Variants in SNTG1 observed in about 807,000 individuals in gnomAD.
The protein encoded by SNTG1 is gamma-1-syntrophin.
A neutral mutation model predicts 74.7 loss-of-function variants in SNTG1; 39 were observed. The ratio of observed to expected loss-of-function variants is 0.52; its 90% confidence interval spans 0.40 to 0.68. The LOEUF (loss-of-function observed/expected upper bound fraction) is 0.68, where lower values mean the gene tolerates loss of function less well. SNTG1 is among the 30% of genes least tolerant of loss of function. The pLI is 0.00. For synonymous variants in SNTG1, 254 were observed against 217.1 expected (o/e 1.17, Z -1.49); for missense variants, 685 against 609.5 (o/e 1.12, Z -1.30).
At chr8:50,239,236 A>G (rs1251975492) in intron 2 of SNTG1, among the ~76,000 whole-genome samples, 1 of 152,190 alleles carries the variant, frequency 6.6e-6, no homozygotes, top group Non-Finnish European at 1.5e-5. Context: ...CAGGGAATCA[A>G]CCTAGATGCC....
In SNTG1 at chr8:50,441,953, G is replaced by T. The variant is rs146354434; in HGVS notation, c.219+3354G>T. On this transcript the variant is annotated intron_variant, in intron 5 of 18. Coordinates refer to ENST00000642720, the MANE Select transcript of SNTG1 (RefSeq NM_018967.5). ...CCATTAAAAGGTAAAGACCAAAATTGCCTGTTTCTCCATGTTAATTCTAAA... is the reference window on the plus strand; with the variant it reads ...CCATTAAAAGGTAAAGACCAAAATTTCCTGTTTCTCCATGTTAATTCTAAA... 3.5e-3 allele frequency among the ~76,000 whole-genome samples: 528 copies of T among 152,206 alleles called. 3 individuals carry two copies. Among genetic ancestry groups the T allele is most frequent in the African/African-American group, 0.012 (508 of 41,526 alleles).
chr8:50,023,948 T>C (rs1048446340), intron 1 of SNTG1, among the ~76,000 whole-genome samples: 1 of 152,112 alleles, frequency 6.6e-6, no homozygotes, highest in African/African-American at 2.4e-5. Context: ...CTCATAACCA[T>C]GGGATTTCAG....
intron 1 of SNTG1, among the ~76,000 whole-genome samples, chr8:50,030,734 T>G (rs1380631091): frequency 6.6e-6 from 1 of 152,036 alleles, no homozygotes; most frequent in Non-Finnish European, 1.5e-5. Flanking sequence ...CACCACAAAA[T>G]CCTGATTAGT....
chr8:50,266,712 T>C (rs1036441606), intron 2 of SNTG1, among the ~76,000 whole-genome samples: 16 of 39,978 alleles, frequency 4.0e-4, no homozygotes, highest in South Asian at 1.8e-3. Context: ...ATGATACAAA[T>C]GTTAATAAGA....
intron 12 of SNTG1, among the ~76,000 whole-genome samples, chr8:50,572,258 T>TTATTTATATA (rs1554577782): frequency 5.4e-5 from 5 of 93,120 alleles, no homozygotes; most frequent in African/African-American, 2.4e-4. Context: ...ATCACCTATT[T>TTATTTATATA]TATATATATA....
intron 11 of SNTG1, among the ~76,000 whole-genome samples, chr8:50,548,770 G>T (rs2094405774): frequency 6.6e-6 from 1 of 152,102 alleles, no homozygotes; most frequent in Non-Finnish European, 1.5e-5. Flanking sequence ...AAATCTCATG[G>T]AATAGATGGC....
intron 1 of SNTG1, among the ~76,000 whole-genome samples, chr8:50,043,356 G>C (rs11987017): frequency 5.3e-5 from 8 of 152,072 alleles, no homozygotes; most frequent in Non-Finnish European, 1.2e-4. Flanking sequence ...AATTAAATTA[G>C]GATTTTTTGA....
intron 2 of SNTG1, among the ~76,000 whole-genome samples, chr8:50,241,679 G>C (rs1238639789): frequency 6.6e-6 from 1 of 152,164 alleles, no homozygotes; most frequent in East Asian, 1.9e-4. Context: ...ATGTCTCAAT[G>C]TGAAGAGGAA....
At chr8:50,176,437 T>C (rs1410502758) in intron 2 of SNTG1, among the ~76,000 whole-genome samples, 1 of 152,202 alleles carries the variant, frequency 6.6e-6, no homozygotes. Flanking sequence ...ACTGACTTCA[T>C]ATCCTGGGCA....
chr8:50,484,205 C>CT, intron 8 of SNTG1, among the ~76,000 whole-genome samples: 1 of 114,286 alleles, frequency 8.7e-6, no homozygotes, highest in Non-Finnish European at 1.8e-5. Flanking sequence ...TCCTTCCTTC[C>CT]TTCCTTCCTT....
At chr8:50,498,540 G>T (rs1425352435) in intron 8 of SNTG1, among the ~76,000 whole-genome samples, 1 of 151,758 alleles carries the variant, frequency 6.6e-6, no homozygotes, top group African/African-American at 2.4e-5. Flanking sequence ...TTTTCTCAAA[G>T]TTTGTGACTT....
chr8:50,386,802 G>A (rs1381313093), intron 2 of SNTG1, among the ~76,000 whole-genome samples: 1 of 152,104 alleles, frequency 6.6e-6, no homozygotes, highest in African/African-American at 2.4e-5. Flanking sequence ...AGGCATTCAT[G>A]AGTGATCTGC....
At chr8:50,686,337 C>T (rs575829953) in intron 15 of SNTG1, among the ~76,000 whole-genome samples, 8 of 152,182 alleles carry the variant, frequency 5.3e-5, no homozygotes, top group South Asian at 4.1e-4. Flanking sequence ...GCTTCTAAAG[C>T]GGGAAACTTA....
chr8:50,260,541 A>ACG (rs1440740942), intron 2 of SNTG1, among the ~76,000 whole-genome samples: 1 of 151,858 alleles, frequency 6.6e-6, no homozygotes, highest in Non-Finnish European at 1.5e-5. Context: ...ACACACACAC[A>ACG]CTACACAGTA....
intron 15 of SNTG1, among the ~76,000 whole-genome samples, chr8:50,675,093 T>C (rs1399467067): frequency 2.6e-5 from 4 of 152,222 alleles, no homozygotes; most frequent in South Asian, 2.1e-4. Flanking sequence ...ACTTATGTGG[T>C]TGATTTTATA....
intron 2 of SNTG1, among the ~76,000 whole-genome samples, chr8:50,369,264 G>A (rs917312501): frequency 6.6e-6 from 1 of 152,138 alleles, no homozygotes; most frequent in Non-Finnish European, 1.5e-5. Flanking sequence ...GATGCCATAA[G>A]AATAGCATCT....
intron 3 of SNTG1, among the ~76,000 whole-genome samples, chr8:50,395,507 T>TTTG (rs386412720): frequency 0.054 from 82 of 1,514 alleles, no homozygotes; most frequent in Non-Finnish European, 0.25. Flanking sequence ...CTAATTTCTG[T>TTTG]TTTTTTTTTT....
chr8:50,398,066 C>T (rs1486093571), intron 3 of SNTG1, among the ~76,000 whole-genome samples: 2 of 152,118 alleles, frequency 1.3e-5, no homozygotes, highest in African/African-American at 2.4e-5. Context: ...GTTTATCCTT[C>T]TTCTTGCATC....
chr8:50,396,326 T>C (rs2092728318), intron 3 of SNTG1, among the ~76,000 whole-genome samples: 1 of 152,194 alleles, frequency 6.6e-6, no homozygotes, highest in Admixed American at 6.5e-5. Flanking sequence ...ATTTACTTAA[T>C]GGAATCCAAG....
Sources: allele counts gnomAD v4.1 joint callset (sites outside exome capture counted in the v4.1 genomes callset), GRCh38; gene constraint gnomAD v4.1.1; transcripts MANE v1.5; gene names NCBI Gene and HGNC (gene_info 2026-07-23, HGNC 2026-07-21).